The following VWC2L variants were observed in gnomAD, a reference collection of about 807,000 sequenced individuals.
The protein encoded by VWC2L is von Willebrand factor C domain containing 2 like.
VWC2L carries 10 observed loss-of-function variants against 21.6 expected under a neutral mutation model. That is an observed-to-expected ratio of 0.46 (90% CI 0.29 to 0.78). The LOEUF (loss-of-function observed/expected upper bound fraction) is 0.78. Ranked by LOEUF, VWC2L falls within the 30% of genes least tolerant of loss-of-function variation. VWC2L has a pLI of 0.10. For missense variants in VWC2L, 209 were observed against 277.1 expected, an observed-to-expected ratio of 0.75 and a Z score of 1.74; for synonymous variants, 96 against 94.3, an observed-to-expected ratio of 1.02 and a Z score of -0.10.
chr2:214,474,437 G>C (rs2126194386), intron 3 of VWC2L, among the ~76,000 whole-genome samples: 1 of 152,232 alleles, frequency 6.6e-6, no homozygotes, highest in East Asian at 1.9e-4. Context: ...TCTGTTGTGA[G>C]AGTTACGTGT....
intron 3 of VWC2L, among the ~76,000 whole-genome samples, chr2:214,508,627 C>T (rs980082906): frequency 2.6e-5 from 4 of 152,114 alleles, no homozygotes; most frequent in African/African-American, 9.7e-5. Flanking sequence ...TTCCTTTTCC[C>T]CATATTTTCC....
chr2:214,525,019 T>A (rs1207056805), intron 3 of VWC2L, among the ~76,000 whole-genome samples: 4 of 144,138 alleles, frequency 2.8e-5, no homozygotes, highest in Admixed American at 1.4e-4. Flanking sequence ...AAAGCTTGGG[T>A]GCAAGAAGAG....
At chr2:214,568,953 CT>C (rs887267994) in intron 3 of VWC2L, among the ~76,000 whole-genome samples, 11 of 152,148 alleles carry the variant, frequency 7.2e-5, no homozygotes, top group Non-Finnish European at 1.6e-4. Flanking sequence ...CCCTCCAGCC[CT>C]TTTCTTCTCC....
intron 3 of VWC2L, chr2:214,536,642 G>A (rs1006216875): frequency 1.2e-4 from 18 of 151,878 alleles, no homozygotes; most frequent in Admixed American, 1.2e-3. Flanking sequence ...TTAATCTTAT[G>A]TTCTTATTAT....
chr2:214,564,472 T>G (rs896409100), intron 3 of VWC2L, among the ~76,000 whole-genome samples: 1 of 18,284 alleles, frequency 5.5e-5, no homozygotes, highest in Non-Finnish European at 2.8e-4. Flanking sequence ...AAAATTGATG[T>G]TTTTTTTTAT....
At chr2:214,536,133 A>G (rs1332724401) in intron 3 of VWC2L, among the ~76,000 whole-genome samples, 3 of 152,178 alleles carry the variant, frequency 2.0e-5, no homozygotes, top group African/African-American at 7.2e-5. Context: ...TGCATGGCAC[A>G]TAGTAAATGC....
At chr2:214,527,010 T>C (rs188732793) in intron 3 of VWC2L, among the ~76,000 whole-genome samples, 2 of 152,176 alleles carry the variant, frequency 1.3e-5, no homozygotes, top group Admixed American at 1.3e-4. Flanking sequence ...TGCTGGTGTA[T>C]AGGTGGTTCC....
chr2:214,496,322 G>A (rs1326023338), intron 3 of VWC2L, among the ~76,000 whole-genome samples: 3 of 135,002 alleles, frequency 2.2e-5, no homozygotes, highest in African/African-American at 7.9e-5. Context: ...TGAAAAGAAA[G>A]ATGCAATAGA....
chr2:214,475,342 T>C (rs1688499005), intron 3 of VWC2L, among the ~76,000 whole-genome samples: 2 of 151,874 alleles, frequency 1.3e-5, no homozygotes, highest in Non-Finnish European at 2.9e-5. Flanking sequence ...TGTTAGCAAA[T>C]TCAAACCAAA....
chr2:214,571,095 C>T (rs145490887), intron 3 of VWC2L, among the ~76,000 whole-genome samples: 29 of 152,208 alleles, frequency 1.9e-4, no homozygotes, highest in African/African-American at 6.3e-4. Flanking sequence ...TATAGAAAAA[C>T]AATCTCACTT....
chr2:214,551,026 G>A (rs1559328214), intron 3 of VWC2L, among the ~76,000 whole-genome samples: 1 of 152,028 alleles, frequency 6.6e-6, no homozygotes, highest in Non-Finnish European at 1.5e-5. Flanking sequence ...GCCCAGCACT[G>A]CAACAAAAAT....
Position 214,423,516 on chromosome 2 carries a change from C to T in VWC2L, c.390+8933C>T, listed in dbSNP as rs1264279427. Reference sequence around the variant, plus strand: ...ACCAGCTCATTTGCATCTTCTTTTCCAATAAATATGTTGGATTCAATGATT... The same window carrying T: ...ACCAGCTCATTTGCATCTTCTTTTCTAATAAATATGTTGGATTCAATGATT... On this transcript the variant is annotated intron_variant, in intron 2 of 3. Coordinates refer to ENST00000312504, the MANE Select transcript of VWC2L (RefSeq NM_001080500.4). Among the ~76,000 whole-genome samples, 3 of 152,028 alleles carry T rather than the reference C, an allele frequency of 2.0e-5. No individual in the cohort carries two copies. The East Asian group carries it at 5.8e-4, about 29-fold the overall frequency.
chr2:214,497,599 A>C (rs1688830080), intron 3 of VWC2L, among the ~76,000 whole-genome samples: 1 of 152,148 alleles, frequency 6.6e-6, no homozygotes, highest in Non-Finnish European at 1.5e-5. Flanking sequence ...CTCAGGATAT[A>C]ATCTGCTGTC....
At chr2:214,479,120 G>A (rs1239951524) in intron 3 of VWC2L, among the ~76,000 whole-genome samples, 4 of 152,094 alleles carry the variant, frequency 2.6e-5, no homozygotes, top group Non-Finnish European at 4.4e-5. Flanking sequence ...GGACCCCAAG[G>A]ATCATGGGAG....
chr2:214,490,130 A>G (rs1688725733), intron 3 of VWC2L, among the ~76,000 whole-genome samples: 1 of 152,172 alleles, frequency 6.6e-6, no homozygotes, highest in South Asian at 2.1e-4. Context: ...TATATTTGGG[A>G]ATGGATCAGT....
At chr2:214,426,599 A>C (rs1405911033) in intron 2 of VWC2L, among the ~76,000 whole-genome samples, 2 of 152,270 alleles carry the variant, frequency 1.3e-5, no homozygotes. Flanking sequence ...CCCATTTCAC[A>C]AATGAGAAAA....
chr2:214,479,048 C>T lies in VWC2L; in HGVS notation c.520+42290C>T, dbSNP rs548038137. Among the ~76,000 whole-genome samples the T allele has an allele frequency of 7.9e-5, 12 of 152,292 alleles. No individual in the cohort carries two copies. In the East Asian group the frequency reaches 1.4e-3, roughly 17 times the overall value. ...GCTATTTCCTCAAAAGTCTCTTCAGCGATGCCCCCTCCTCACTCTCACACA... is the reference window on the plus strand; with the variant it reads ...GCTATTTCCTCAAAAGTCTCTTCAGTGATGCCCCCTCCTCACTCTCACACA... On this transcript the variant is annotated intron_variant, in intron 3 of 3. Transcript: ENST00000312504.
intron 2 of VWC2L, among the ~76,000 whole-genome samples, chr2:214,422,790 A>G (rs556032293): frequency 2.4e-4 from 36 of 152,322 alleles, no homozygotes; most frequent in African/African-American, 8.4e-4. Context: ...TGAATAAAGT[A>G]CTAAAGTGAC....
intron 3 of VWC2L, among the ~76,000 whole-genome samples, chr2:214,442,162 G>A (rs1016653328): frequency 5.3e-5 from 8 of 152,030 alleles, no homozygotes; most frequent in African/African-American, 1.2e-4. Flanking sequence ...CGCCTGCCTC[G>A]GCCTCCCAAA....
Sources: allele counts gnomAD v4.1 joint callset (sites outside exome capture counted in the v4.1 genomes callset), GRCh38; gene constraint gnomAD v4.1.1; transcripts MANE v1.5; gene names NCBI Gene and HGNC (gene_info 2026-07-23, HGNC 2026-07-21).